Variants in ETV6 observed in about 807,000 individuals in gnomAD.
ETV6 encodes the protein transcription factor ETV6.
A neutral mutation model predicts 51.1 loss-of-function variants in ETV6; 16 were observed. That is an observed-to-expected ratio of 0.31 (90% CI 0.21 to 0.48). The LOEUF is 0.48. Ranked by LOEUF, ETV6 falls within the 20% of genes least tolerant of loss-of-function variation. The pLI, the probability that ETV6 is intolerant of heterozygous loss-of-function variation, is 0.99. For missense variants in ETV6, 458 were observed against 594.8 expected (o/e 0.77, Z 2.39); for synonymous variants, 240 against 224.1 (o/e 1.07, Z -0.64).
At chr12:11,864,787 C>A (rs932665573) in intron 4 of ETV6, among the ~76,000 whole-genome samples, 1 of 151,766 alleles carries the variant, frequency 6.6e-6, no homozygotes, top group African/African-American at 2.4e-5. Context: ...CAGGAAATAT[C>A]AAACCTATAC....
At chr12:11,868,440 T>TC (rs200492050) in intron 4 of ETV6, among the ~76,000 whole-genome samples, 9,731 of 110,506 alleles carry the variant, frequency 0.088, 441 homozygotes, top group Admixed American at 0.12. Context: ...TTTTTCTTCT[T>TC]TTTTTTTTTT....
intron 1 of ETV6, among the ~76,000 whole-genome samples, chr12:11,736,042 G>A (rs925790417): frequency 5.3e-5 from 8 of 152,348 alleles, no homozygotes; most frequent in African/African-American, 1.9e-4. Flanking sequence ...CATAGTAGTT[G>A]ACAATAAATG....
rs912011963 is a variant in ETV6, at chr12:11,734,168, T to C, written c.34-18282T>C. ...TTATTTTCTCCCTGCTAAAAAACAG[T>C]TTGCAGAGGCACTTGAAAGTGATAT... On this transcript the variant is annotated intron_variant, in intron 1 of 7. Coordinates refer to ENST00000396373, the MANE Select transcript of ETV6 (RefSeq NM_001987.5). 2.0e-5 allele frequency among the ~76,000 whole-genome samples: 3 copies of C among 152,304 alleles called. No individual in the cohort carries two copies. The South Asian group carries it at 6.2e-4, about 32-fold the overall frequency.
chr12:11,880,814 C>T (rs543293155), intron 5 of ETV6, among the ~76,000 whole-genome samples: 43 of 152,106 alleles, frequency 2.8e-4, no homozygotes, highest in Middle Eastern at 3.4e-3. Flanking sequence ...AAATCACATT[C>T]CCAATCCAGA....
intron 1 of ETV6, among the ~76,000 whole-genome samples, chr12:11,689,336 G>A (rs1864700135): frequency 6.6e-6 from 1 of 152,230 alleles, no homozygotes; most frequent in Non-Finnish European, 1.5e-5. Flanking sequence ...GGTCCAGATG[G>A]AGGTGGGGAG....
chr12:11,869,185 G>A lies in ETV6; in HGVS notation c.464-239G>A, dbSNP rs139664181. On this transcript the variant is annotated intron_variant, in intron 4 of 7. Coordinates refer to ENST00000396373, the MANE Select transcript of ETV6 (RefSeq NM_001987.5). The surrounding 1 kb of genome is among the most constrained non-coding windows in gnomAD (Gnocchi z 5.0). ...CGGGAGGCAGAGCTTGCAGTGAGCC[G>A]AGATCGTGCCACTGCACTCCAGCCT... is the stretch of plus-strand genomic sequence containing the variant. Among the ~76,000 whole-genome samples, 1,895 of 151,038 alleles carry A rather than the reference G, an allele frequency of 0.013. 23 individuals are homozygous for A. Among genetic ancestry groups the A allele is most frequent in the Non-Finnish European group, 0.018 (1,216 of 67,848 alleles).
At chr12:11,679,471 TCA>T (rs1371786372) in intron 1 of ETV6, among the ~76,000 whole-genome samples, 1 of 152,248 alleles carries the variant, frequency 6.6e-6, no homozygotes, top group Non-Finnish European at 1.5e-5. Flanking sequence ...CTAGTTCTTC[TCA>T]CAGATTCTCT....
At chr12:11,718,640 G>T (rs1865325134) in intron 1 of ETV6, among the ~76,000 whole-genome samples, 1 of 151,812 alleles carries the variant, frequency 6.6e-6, no homozygotes, top group South Asian at 2.1e-4. Flanking sequence ...TGGGCATGGT[G>T]GTGTGTGCCT....
chr12:11,735,417 C>CTGAAGAGCAAACATCCACGTAAGT (rs1865685391), intron 1 of ETV6, among the ~76,000 whole-genome samples: 1 of 152,120 alleles, frequency 6.6e-6, no homozygotes, highest in African/African-American at 2.4e-5. Flanking sequence ...TGGGGTGAGG[C>CTGAAGAGCAAACATCCACGTAAGT]TGAAGAGCAA....
chr12:11,859,118 G>T (rs1403458142), intron 4 of ETV6, among the ~76,000 whole-genome samples: 1 of 41,794 alleles, frequency 2.4e-5, no homozygotes, highest in African/African-American at 7.0e-5. Context: ...ATATGAATCT[G>T]GTTTTTTTTT....
intron 2 of ETV6, among the ~76,000 whole-genome samples, chr12:11,802,475 G>A (rs10491991): frequency 0.042 from 6,440 of 152,250 alleles, 472 homozygotes; most frequent in African/African-American, 0.15. Flanking sequence ...TTACTCTCCA[G>A]TGTTAAGGGT....
rs139117210 is a variant in ETV6, at chr12:11,768,933, T to C, written c.163+16354T>C. The C allele has an allele frequency of 2.9e-4, 142 of 487,224 alleles. 1 individual carries two copies. The East Asian group carries it at 7.9e-3, about 27-fold the overall frequency. 30.2% of individuals were successfully genotyped at this position (487,224 alleles called of 1,614,324 possible). ...AAATACCATTTGTGACTGCTTGGGC[T>C]TGTTCTGAAGAAAATTCAAATCTTG... On this transcript the variant is annotated intron_variant, in intron 2 of 7. Coordinates refer to ENST00000396373, the MANE Select transcript of ETV6 (RefSeq NM_001987.5).
intron 1 of ETV6, among the ~76,000 whole-genome samples, chr12:11,678,919 A>G (rs1214577034): frequency 1.3e-5 from 2 of 152,098 alleles, no homozygotes; most frequent in African/African-American, 2.4e-5. Flanking sequence ...TGTTCTGTTC[A>G]GGCCCATAAT....
At chr12:11,783,599 CAG>C (rs1945441045) in intron 2 of ETV6, among the ~76,000 whole-genome samples, 1 of 151,916 alleles carries the variant, frequency 6.6e-6, no homozygotes, top group Admixed American at 6.6e-5. Flanking sequence ...TGGTAAGAAT[CAG>C]AGAGTTGAAA....
chr12:11,671,348 T>C (rs1285350942), intron 1 of ETV6, among the ~76,000 whole-genome samples: 1 of 152,194 alleles, frequency 6.6e-6, no homozygotes, highest in Non-Finnish European at 1.5e-5. Flanking sequence ...CAGTTCTGAC[T>C]GAGAGGCACT....
At chr12:11,882,057 G>T (rs1455589664) in intron 5 of ETV6, among the ~76,000 whole-genome samples, 1 of 152,160 alleles carries the variant, frequency 6.6e-6, no homozygotes, top group Non-Finnish European at 1.5e-5. Context: ...CCAGGACTAT[G>T]GTGTTGTTGT....
intron 1 of ETV6, among the ~76,000 whole-genome samples, chr12:11,723,869 T>C (rs1045902333): frequency 6.6e-6 from 1 of 152,060 alleles, no homozygotes; most frequent in Non-Finnish European, 1.5e-5. Context: ...CGAGTATTCC[T>C]TGGGACAAGG....
intron 1 of ETV6, among the ~76,000 whole-genome samples, chr12:11,696,373 G>C (rs897135171): frequency 1.3e-5 from 2 of 152,136 alleles, no homozygotes; most frequent in African/African-American, 4.8e-5. Flanking sequence ...CATGAACTTC[G>C]GGCAAGTTAC....
intron 1 of ETV6, among the ~76,000 whole-genome samples, chr12:11,713,608 C>T (rs1865214837): frequency 6.6e-6 from 1 of 152,142 alleles, no homozygotes; most frequent in Non-Finnish European, 1.5e-5. Flanking sequence ...CAAATGTCTT[C>T]CACTCAGGGG....
Sources: gnomAD v4.1 joint callset for allele counts (sites outside exome capture counted in the v4.1 genomes callset) on GRCh38, gnomAD v4.1.1 for gene constraint, Gnocchi (gnomAD v3.1) non-coding constraint, MANE v1.5 for transcripts, NCBI Gene and HGNC (gene_info 2026-07-23, HGNC 2026-07-21) for gene names.